CFAP251: variants seen among roughly 807,000 people sequenced by gnomAD.
The protein encoded by CFAP251 is cilia- and flagella-associated protein 251.
CFAP251 carries 93 observed loss-of-function variants against 126.7 expected under a neutral mutation model. That is an observed-to-expected ratio of 0.73 (90% confidence interval 0.62 to 0.87). CFAP251 has a LOEUF of 0.87. Among genes scored for constraint, CFAP251 ranks in the 40% least tolerant of loss-of-function variants. The pLI is 0.00. For missense variants in CFAP251, 1,287 were observed against 1,389.2 expected (o/e 0.93, Z 1.17); for synonymous variants, 503 against 506.9 (o/e 0.99, Z 0.10).
Position 121,969,293 on chromosome 12 carries a change from C to T in CFAP251, c.2771+1124C>T, listed in dbSNP as rs941380646. On this transcript the variant is annotated intron_variant, in intron 17 of 21. Coordinates refer to ENST00000288912, the MANE Select transcript of CFAP251 (RefSeq NM_144668.6). Reference sequence around the variant, plus strand: ...CGGTGGTTTGAGATTGCACTTGCAGCTCTGACTTCCACCCCACCTTCACCT... The same window carrying T: ...CGGTGGTTTGAGATTGCACTTGCAGTTCTGACTTCCACCCCACCTTCACCT... The T allele has an allele frequency of 1.6e-5, 16 of 985,344 alleles. No individual in the cohort carries two copies. In the African/African-American group the frequency reaches 2.6e-4, roughly 16 times the overall value. The allele number at this position is 985,344 out of a possible 1,614,324, so 61.0% of individuals were successfully genotyped here.
intron 5 of CFAP251, among the ~76,000 whole-genome samples, chr12:121,939,732 G>T (rs1047765334): frequency 2.0e-5 from 3 of 152,116 alleles, no homozygotes; most frequent in Admixed American, 2.0e-4. Flanking sequence ...TTTGGTTTTA[G>T]GATTAATATT....
intron 15 of CFAP251, among the ~76,000 whole-genome samples, chr12:121,963,659 C>T (rs774469378): frequency 2.0e-4 from 30 of 148,118 alleles, no homozygotes; most frequent in Admixed American, 6.9e-4. Context: ...CCCCTGTGAG[C>T]CCTCACAAGA....
chr12:121,980,840 G>A (rs1428756246), intron 19 of CFAP251, among the ~76,000 whole-genome samples: 1 of 152,338 alleles, frequency 6.6e-6, no homozygotes, highest in East Asian at 1.9e-4. Context: ...TGGAGAAAGG[G>A]AAGAAGCACA....
intron 16 of CFAP251, 81 bp from the exon 17 acceptor site, chr12:121,967,924 TG>T: frequency 7.8e-7 from 1 of 1,278,840 alleles, no homozygotes; most frequent in African/African-American, 1.5e-5. Flanking sequence ...CACACAGATC[TG>T]GAGGTGACAT....
chr12:121,971,114 GCCTTTA>G (rs1882316051), intron 17 of CFAP251, among the ~76,000 whole-genome samples: 1 of 152,190 alleles, frequency 6.6e-6, no homozygotes, highest in Admixed American at 6.5e-5. Context: ...GTCACTTCTG[GCCTTTA>G]CCTGGCTCTG....
intron 1 of CFAP251, among the ~76,000 whole-genome samples, chr12:121,920,989 C>T (rs1880146365): frequency 2.0e-5 from 3 of 151,966 alleles, no homozygotes; most frequent in Admixed American, 6.6e-5. Flanking sequence ...GCTGGGATTA[C>T]AGGCGCCTGC....
At chr12:121,949,230 G>A (rs1881434000) in intron 8 of CFAP251, 169 bp downstream of exon 8, 1 of 366,868 alleles carries the variant, frequency 2.7e-6, no homozygotes, top group African/African-American at 2.1e-5. Context: ...TTAGAAATTA[G>A]CATATTAAAT....
Position 122,001,559 on chromosome 12 carries a change from G to A in CFAP251, c.3298G>A (p.Glu1100Lys), listed in dbSNP as rs534617375. The A allele has an allele frequency of 1.8e-5, 29 of 1,614,112 alleles. No individual in the cohort carries two copies. Among genetic ancestry groups the A allele is most frequent in the African/African-American group, 6.7e-5 (5 of 75,014 alleles). ...TGCTTCACTGTTTGGCCTGAATCCC[G>A]AGGGATGGAAATCCGAGCCTGCAAC... Reference protein sequence around the residue: ...CFASLFGLNPEGWKSEPATCS... With the variant: ...CFASLFGLNPKGWKSEPATCS... Residue 1100 changes from glutamate (E) to lysine (K), a missense_variant, in exon 21 of 22, where the codon GAG becomes AAG. Glu to Lys is a moderately conservative substitution (Grantham distance 56, BLOSUM62 1). Coordinates refer to ENST00000288912, the MANE Select transcript of CFAP251 (RefSeq NM_144668.6).
intron 19 of CFAP251, among the ~76,000 whole-genome samples, chr12:121,990,096 A>G (rs1395235213): frequency 6.6e-6 from 1 of 152,180 alleles, no homozygotes; most frequent in East Asian, 1.9e-4. Flanking sequence ...AAAGTTACCA[A>G]TCAAGCAACA....
intron 19 of CFAP251, among the ~76,000 whole-genome samples, chr12:121,983,028 T>G (rs1457225075): frequency 6.6e-6 from 1 of 152,100 alleles, no homozygotes; most frequent in Admixed American, 6.6e-5. Flanking sequence ...GCCTAGGAGT[T>G]CAAGACCAGT....
At chr12:121,980,809 C>A (rs181212697) in intron 19 of CFAP251, among the ~76,000 whole-genome samples, 2 of 152,316 alleles carry the variant, frequency 1.3e-5, no homozygotes, top group Non-Finnish European at 2.9e-5. Context: ...ATTGGTTGGC[C>A]TAACACTTGG....
chr12:121,991,088 A>G (rs532527225), intron 19 of CFAP251, among the ~76,000 whole-genome samples: 6 of 152,360 alleles, frequency 3.9e-5, no homozygotes, highest in African/African-American at 1.2e-4. Context: ...CTAAATGATT[A>G]TTCTAAGCTT....
intron 10 of CFAP251, among the ~76,000 whole-genome samples, chr12:121,955,416 G>C (rs1239700386): frequency 6.6e-6 from 1 of 152,136 alleles, no homozygotes; most frequent in Non-Finnish European, 1.5e-5. Context: ...CCTTGAGCAA[G>C]GAACTTAACC....
intron 9 of CFAP251, among the ~76,000 whole-genome samples, chr12:121,952,343 C>T (rs1476636429): frequency 6.7e-6 from 1 of 149,792 alleles, no homozygotes; most frequent in Non-Finnish European, 1.5e-5. Context: ...TCACTTGAGC[C>T]CAGGTGGTCA....
rs1404319862 is a variant in CFAP251, at chr12:121,968,011, A to G, written c.2613A>G (p.Gly871=). 6 of 1,595,484 alleles carry G rather than the reference A, an allele frequency of 3.8e-6. No individual in the cohort carries two copies. In the South Asian group the frequency reaches 6.6e-5, roughly 18 times the overall value. Reference sequence around the variant, plus strand: ...AATTATGTGTTCCTTTCTAGGTGGGACTTCAGATCTTACCAGTTGACGGCA... The same window carrying G: ...AATTATGTGTTCCTTTCTAGGTGGGGCTTCAGATCTTACCAGTTGACGGCA... The part of the protein sequence containing the change: ...YLVFINRDKV[G]LQILPVDGNP... Residue 871 remains glycine (G), a synonymous_variant, in exon 17 of 22, where the codon GGA becomes GGG. Coordinates refer to ENST00000288912, the MANE Select transcript of CFAP251 (RefSeq NM_144668.6).
intron 10 of CFAP251, among the ~76,000 whole-genome samples, chr12:121,956,240 A>G (rs1409968181): frequency 6.6e-6 from 1 of 152,128 alleles, no homozygotes; most frequent in Non-Finnish European, 1.5e-5. Flanking sequence ...GCCAGCCTGC[A>G]TGATTTCAGA....
Position 121,957,185 on chromosome 12 carries a change from T to C in CFAP251, c.1647T>C (p.Phe549=), listed in dbSNP as rs778095680. ...TGGGCGCCATAAGAACTCTGTCCTT[T>C]TCAAAGACCCCAGCAACTCCTCCTA... ...LKLGAIRTLS[F]SKTPATPPTE... Residue 549 remains phenylalanine, a synonymous_variant, in exon 11 of 22, where the codon TTT becomes TTC. Transcript: ENST00000288912. 1.2e-6 allele frequency: 2 copies of C among 1,613,994 alleles called. No homozygotes were observed. Among genetic ancestry groups the C allele is most frequent in the African/African-American group, 2.7e-5 (2 of 74,922 alleles).
At chr12:121,977,808 A>C (rs1308723560) in intron 19 of CFAP251, among the ~76,000 whole-genome samples, 2 of 149,128 alleles carry the variant, frequency 1.3e-5, no homozygotes, top group Non-Finnish European at 3.0e-5. Context: ...ACAAAAAAAA[A>C]ATTAGCCGGG....
intron 2 of CFAP251, among the ~76,000 whole-genome samples, chr12:121,923,419 A>AAACTTGTAATCCC (rs1323455433): frequency 1.3e-5 from 2 of 152,292 alleles, no homozygotes; most frequent in East Asian, 3.9e-4. Context: ...TTGGCCTCCC[A>AAACTTGTAATCCC]AAGTGTTGGG....
Sources: gnomAD v4.1 joint callset for allele counts (sites outside exome capture counted in the v4.1 genomes callset) on GRCh38, gnomAD v4.1.1 for gene constraint, MANE v1.5 for transcripts, NCBI Gene and HGNC (gene_info 2026-07-23, HGNC 2026-07-21) for gene names.